Variants in MYO10 observed in about 807,000 individuals in gnomAD.
MYO10 encodes the protein myosin X.
A neutral mutation model predicts 257.3 loss-of-function variants in MYO10; 133 were observed. That is an observed-to-expected ratio of 0.52 (90% CI 0.45 to 0.60). The LOEUF (loss-of-function observed/expected upper bound fraction) is 0.60, where lower values mean the gene tolerates loss of function less well. MYO10 is among the 20% of genes least tolerant of loss of function. The probability of loss-of-function intolerance (pLI) is 0.00; values close to 1 mark genes in which losing one functional copy is unlikely to be tolerated. For missense variants in MYO10, 2,399 were observed against 2,635.7 expected (o/e 0.91, Z 1.97); for synonymous variants, 1,104 against 1,028.6 (o/e 1.07, Z -1.40).
Position 16,769,063 on chromosome 5 carries a change from C to T in MYO10, c.1060+11G>A. On this transcript the variant is annotated intron_variant, in intron 10 of 40. Coordinates refer to ENST00000513610, the MANE Select transcript of MYO10 (RefSeq NM_012334.3). ...AAAGGGAGCGAGGAGGGCAGGCAGG[C>T]ATAATCTTACCTGTTTTGAAGGAAA... 6.2e-7 allele frequency: 1 copy of T among 1,604,514 alleles called. No individual in the cohort carries two copies. Among genetic ancestry groups the T allele is most frequent in the Non-Finnish European group, 8.5e-7 (1 of 1,176,612 alleles).
intron 19 of MYO10, among the ~76,000 whole-genome samples, chr5:16,723,697 A>C (rs892251363): frequency 1.1e-4 from 16 of 152,260 alleles, no homozygotes; most frequent in African/African-American, 3.9e-4. Context: ...TAACTGCCAA[A>C]AACTGGAAGC....
intron 19 of MYO10, among the ~76,000 whole-genome samples, chr5:16,754,564 TAAA>T (rs200037446): frequency 2.3e-5 from 3 of 132,562 alleles, no homozygotes; most frequent in Non-Finnish European, 4.9e-5. Context: ...AACCAAACGC[TAAA>T]AAAAAAAAAA....
intron 17 of MYO10, among the ~76,000 whole-genome samples, chr5:16,760,218 G>A (rs1413372694): frequency 2.0e-5 from 3 of 151,162 alleles, no homozygotes; most frequent in African/African-American, 4.9e-5. Context: ...TTGGGAGGCC[G>A]AGGTGGGCGG....
chr5:16,897,985 A>G (rs956744284), intron 1 of MYO10, among the ~76,000 whole-genome samples: 2 of 152,192 alleles, frequency 1.3e-5, no homozygotes, highest in South Asian at 2.1e-4. Flanking sequence ...TGTTCTAAGA[A>G]AGAGCTGGTC....
chr5:16,759,630 G>A (rs560547787), intron 17 of MYO10, among the ~76,000 whole-genome samples: 1 of 152,172 alleles, frequency 6.6e-6, no homozygotes, highest in Non-Finnish European at 1.5e-5. Context: ...TGGCACAGAG[G>A]CAGCTGGCGA....
chr5:16,676,753 G>C (rs542900109), intron 33 of MYO10, among the ~76,000 whole-genome samples: 5 of 152,168 alleles, frequency 3.3e-5, no homozygotes, highest in African/African-American at 4.8e-5. Flanking sequence ...GCTCATGCCT[G>C]TGCATTTTGA....
chr5:16,723,217 T>C (rs977466297), intron 19 of MYO10, among the ~76,000 whole-genome samples: 3 of 150,528 alleles, frequency 2.0e-5, no homozygotes, highest in South Asian at 2.1e-4. Context: ...ACCCCGTCTC[T>C]ACTAAAAATA....
chr5:16,743,303 A>G (rs1224507185), intron 19 of MYO10, among the ~76,000 whole-genome samples: 1 of 152,124 alleles, frequency 6.6e-6, no homozygotes, highest in Non-Finnish European at 1.5e-5. Flanking sequence ...CTATCCTTCC[A>G]TTAATCTTGT....
chr5:16,768,264 T>G (rs1368795597), intron 10 of MYO10, among the ~76,000 whole-genome samples: 2 of 152,154 alleles, frequency 1.3e-5, no homozygotes, highest in African/African-American at 4.8e-5. Flanking sequence ...ATATGGTAAC[T>G]CATTTTATCT....
At chr5:16,841,676 A>C (rs1055575831) in intron 2 of MYO10, among the ~76,000 whole-genome samples, 1 of 152,202 alleles carries the variant, frequency 6.6e-6, no homozygotes, top group Non-Finnish European at 1.5e-5. Flanking sequence ...AGACACTAAT[A>C]ACTAATTCAG....
At chr5:16,696,448 A>G (rs188751731) in intron 26 of MYO10, among the ~76,000 whole-genome samples, 39 of 152,362 alleles carry the variant, frequency 2.6e-4, no homozygotes, top group African/African-American at 9.1e-4. Context: ...TTTACACAAT[A>G]GCTTTAAGAG....
intron 15 of MYO10, 80 bp downstream of exon 15, chr5:16,762,465 G>A (rs762849182): frequency 2.9e-4 from 332 of 1,127,696 alleles, no homozygotes; most frequent in Non-Finnish European, 3.8e-4. Context: ...TTGGGCCAGC[G>A]GACTGACATG....
chr5:16,711,175 C>T lies in MYO10; in HGVS notation c.2000G>A (p.Arg667Lys), dbSNP rs1738587590. ...GACCGCATACCCAGCTTTGCGGATTCTCACAGTCTCCAGCATCCCTGAGTA... is the reference window on the plus strand; with the variant it reads ...GACCGCATACCCAGCTTTGCGGATTTTCACAGTCTCCAGCATCCCTGAGTA... ...LRYSGMLETVRIRKAGYAVRR... is the reference protein window; with the variant it reads ...LRYSGMLETVKIRKAGYAVRR... The change falls in exon 20 of 41, where the codon AGA (arginine) becomes AAA (lysine). Residue 667 changes from arginine to lysine, a missense_variant. Transcript: ENST00000513610. 4 of 1,613,630 alleles carry T rather than the reference C, an allele frequency of 2.5e-6. No homozygotes were observed. The highest frequency in any genetic ancestry group is 1.7e-6 in the Non-Finnish European group (2 of 1,179,822).
In MYO10 at chr5:16,708,399, T is replaced by TC. The variant is rs1188681410; in HGVS notation, c.2169+2508dup. The stretch of plus-strand genomic sequence containing the variant: ...TCTGTGTCCCCTATGCTACACTACG[T>TC]CCCAAGCCTGCCTTGGGCCTGATTT... On this transcript the variant is annotated intron_variant, in intron 21 of 40. Transcript: ENST00000513610. Among the ~76,000 whole-genome samples the TC allele has an allele frequency of 2.0e-5, 3 of 152,170 alleles. No homozygotes were observed. In the East Asian group the frequency reaches 5.8e-4, roughly 29 times the overall value.
intron 2 of MYO10, among the ~76,000 whole-genome samples, chr5:16,860,899 GCACT>G (rs199666997): frequency 0.026 from 3,885 of 152,242 alleles, 166 homozygotes; most frequent in African/African-American, 0.089. Flanking sequence ...GGCCTCGTTA[GCACT>G]TTCTAAGCCC....
rs931882805 is a variant in MYO10, at chr5:16,853,318, G to A, written c.120+24291C>T. On this transcript the variant is annotated intron_variant, in intron 2 of 40. Transcript: ENST00000513610. ...GAACCCGAGAGGCGGAGCTTGCAGT[G>A]AGCTGAGATCGCGCCACTGCACTCC... Among the ~76,000 whole-genome samples, 3 of 151,426 alleles carry A rather than the reference G, an allele frequency of 2.0e-5. No homozygotes were observed. In the East Asian group the frequency reaches 5.9e-4, roughly 30 times the overall value.
intron 1 of MYO10, among the ~76,000 whole-genome samples, chr5:16,914,102 T>C (rs1745746779): frequency 6.6e-6 from 1 of 152,150 alleles, no homozygotes; most frequent in Non-Finnish European, 1.5e-5. Context: ...GACCAAATGA[T>C]AAAGACCTTA....
At chr5:16,696,031 T>C (rs192350786) in intron 26 of MYO10, among the ~76,000 whole-genome samples, 1 of 152,374 alleles carries the variant, frequency 6.6e-6, no homozygotes, top group East Asian at 1.9e-4. Flanking sequence ...AAAACAAGCC[T>C]GGAGGAAAAC....
intron 19 of MYO10, among the ~76,000 whole-genome samples, chr5:16,744,403 C>T (rs914302554): frequency 5.3e-5 from 8 of 152,114 alleles, no homozygotes; most frequent in Non-Finnish European, 1.2e-4. Context: ...GAGGCCTGGG[C>T]GAAACCTGGG....
Sources: gnomAD v4.1 joint callset for allele counts (sites outside exome capture counted in the v4.1 genomes callset) on GRCh38, gnomAD v4.1.1 for gene constraint, MANE v1.5 for transcripts, NCBI Gene and HGNC (gene_info 2026-07-23, HGNC 2026-07-21) for gene names.